The following RBPJ variants were observed in gnomAD, a reference collection of about 807,000 sequenced individuals.
RBPJ encodes recombining binding protein suppressor of hairless.
A neutral mutation model predicts 67.8 loss-of-function variants in RBPJ; 9 were observed. That is an observed-to-expected ratio of 0.13 (90% CI 0.08 to 0.23). RBPJ has a LOEUF of 0.23. RBPJ is among the 10% of genes least tolerant of loss of function. The pLI is 1.00. For synonymous variants in RBPJ, 198 were observed against 203.3 expected, an observed-to-expected ratio of 0.97 and a Z score of 0.22; for missense variants, 305 against 595.6, an observed-to-expected ratio of 0.51 and a Z score of 5.08.
At chr4:26,412,543 A>G (rs1734141734) in intron 3 of RBPJ, among the ~76,000 whole-genome samples, 1 of 152,146 alleles carries the variant, frequency 6.6e-6, no homozygotes, top group Admixed American at 6.5e-5. Context: ...GGAGCATTTT[A>G]GATTTGGGAT....
intron 1 of RBPJ, chr4:26,343,127 T>TG (rs1340285266): frequency 6.6e-6 from 1 of 152,236 alleles, no homozygotes; most frequent in Non-Finnish European, 1.5e-5. Flanking sequence ...TAGCCACACT[T>TG]GCAATGAATT....
At chr4:26,132,505 G>A in the RBPJ span, among the ~76,000 whole-genome samples, 1 of 152,098 alleles carries the variant, frequency 6.6e-6, no homozygotes, top group African/African-American at 2.4e-5. Context: ...GCCCAGGAGT[G>A]TGGGTTTGAG....
At chr4:26,211,183 G>A (rs1027944742) in intron 1 of RBPJ, among the ~76,000 whole-genome samples, 7 of 152,124 alleles carry the variant, frequency 4.6e-5, no homozygotes, top group Non-Finnish European at 4.4e-5. Context: ...CCATATGCAC[G>A]TGTATGTGTG....
chr4:26,402,430 C>T (rs1262592325), intron 2 of RBPJ, among the ~76,000 whole-genome samples: 1 of 152,180 alleles, frequency 6.6e-6, no homozygotes, highest in Non-Finnish European at 1.5e-5. Flanking sequence ...CTTCCTTTTC[C>T]ATACCCTGGA....
At chr4:26,195,287 T>C (rs1418629513) in intron 1 of RBPJ, among the ~76,000 whole-genome samples, 1 of 152,188 alleles carries the variant, frequency 6.6e-6, no homozygotes, top group East Asian at 1.9e-4. Context: ...GGAGGATCAC[T>C]TGAGCTCAGA....
intron 1 of RBPJ, among the ~76,000 whole-genome samples, chr4:26,206,006 A>G (rs1488450135): frequency 6.6e-6 from 1 of 151,064 alleles, no homozygotes; most frequent in Non-Finnish European, 1.5e-5. Flanking sequence ...TATTTTTTTT[A>G]TAAATTACAC....
At chr4:26,321,481 C>G (rs963861680) in intron 1 of RBPJ, 7 of 152,094 alleles carry the variant, frequency 4.6e-5, no homozygotes, top group Non-Finnish European at 8.8e-5. Flanking sequence ...CTACCCCCGG[C>G]CCTTTGTTTC....
chr4:26,240,616 T>C (rs1719603632), intron 1 of RBPJ, among the ~76,000 whole-genome samples: 1 of 152,162 alleles, frequency 6.6e-6, no homozygotes, highest in African/African-American at 2.4e-5. Flanking sequence ...AGGGGGTCCT[T>C]GATGTCTTCA....
intron 1 of RBPJ, among the ~76,000 whole-genome samples, chr4:26,313,706 T>G (rs770194153): frequency 1.3e-5 from 2 of 150,532 alleles, no homozygotes; most frequent in African/African-American, 2.4e-5. Context: ...CATGGTGGCA[T>G]GTACCTGTAA....
Position 26,215,999 on chromosome 4 carries a change from G to A in RBPJ, c.-167+52385G>A, listed in dbSNP as rs138252098. On this transcript the variant is annotated intron_variant, in intron 1 of 4. Transcript: ENST00000512351. ...CTGGAGACCAGAAGTCTGAAATCACGGTGTCATCAGGGCCACCCTCCCTAT... is the reference window on the plus strand; with the variant it reads ...CTGGAGACCAGAAGTCTGAAATCACAGTGTCATCAGGGCCACCCTCCCTAT... Among the ~76,000 whole-genome samples, 182 of 152,184 alleles carry A rather than the reference G, an allele frequency of 1.2e-3. 1 individual carries two copies. Among genetic ancestry groups the A allele is most frequent in the African/African-American group, 4.1e-3 (171 of 41,520 alleles).
At chr4:26,329,220 T>C (rs1723977049) in intron 1 of RBPJ, among the ~76,000 whole-genome samples, 1 of 152,190 alleles carries the variant, frequency 6.6e-6, no homozygotes, top group Admixed American at 6.5e-5. Flanking sequence ...CTCGAACTCC[T>C]GACCTCAGGT....
chr4:26,422,417 C>G (rs1447967198), intron 5 of RBPJ, among the ~76,000 whole-genome samples: 1 of 152,158 alleles, frequency 6.6e-6, no homozygotes, highest in Admixed American at 6.5e-5. Context: ...GGAGTTTTTT[C>G]TACAAAGAGG....
At chr4:26,282,134 C>T (rs1306878835) in intron 1 of RBPJ, among the ~76,000 whole-genome samples, 3 of 126,592 alleles carry the variant, frequency 2.4e-5, no homozygotes, top group African/African-American at 6.5e-5. Context: ...CTCTCTCTCT[C>T]TCTTTTTTTT....
chr4:26,139,462 G>C, the RBPJ span, among the ~76,000 whole-genome samples: 1 of 152,216 alleles, frequency 6.6e-6, no homozygotes, highest in East Asian at 1.9e-4. Flanking sequence ...ATCCACAGTG[G>C]CATGCGGGCT....
intron 1 of RBPJ, among the ~76,000 whole-genome samples, chr4:26,189,573 G>A (rs1039363118): frequency 1.6e-4 from 24 of 152,004 alleles, no homozygotes; most frequent in Non-Finnish European, 1.8e-4. Flanking sequence ...CAGGAGAATC[G>A]CTTGAACCCA....
At position 26,191,210 on chromosome 4, in the gene RBPJ, T is replaced by TATAGAGAG. The variant is rs1364457297; in HGVS notation, c.-167+27597_-167+27598insTAGAGAGA. ...ATATATATATATATATATATATATA[T>TATAGAGAG]AGAGAGAGAGAGAGAGAGAGAGAGA... On this transcript the variant is annotated intron_variant, in intron 1 of 4. Transcript: ENST00000512351. Among the ~76,000 whole-genome samples the TATAGAGAG allele has an allele frequency of 1.1e-3, 30 of 26,828 alleles. 1 individual carries two copies. Among genetic ancestry groups the TATAGAGAG allele is most frequent in the Non-Finnish European group, 1.5e-3 (24 of 16,162 alleles). 17.6% of individuals were successfully genotyped at this position (26,828 alleles called of 152,430 possible).
intron 1 of RBPJ, among the ~76,000 whole-genome samples, chr4:26,378,208 A>T (rs1333598793): frequency 6.6e-6 from 1 of 152,144 alleles, no homozygotes; most frequent in Admixed American, 6.5e-5. Context: ...TTTGGCAGTA[A>T]TAGAGTATGA....
intron 2 of RBPJ, among the ~76,000 whole-genome samples, chr4:26,402,084 C>G (rs1732880851): frequency 6.6e-6 from 1 of 151,892 alleles, no homozygotes; most frequent in African/African-American, 2.4e-5. Flanking sequence ...AAGGGGGTTT[C>G]TCCATGTTGG....
intron 4 of RBPJ, 38 bp from the exon 5 acceptor site, chr4:26,420,513 G>A (rs1353933434): frequency 6.8e-7 from 1 of 1,479,504 alleles, no homozygotes; most frequent in Non-Finnish European, 9.1e-7. Context: ...AAACAAACAA[G>A]GTTTTGCTGC....
Sources: allele counts gnomAD v4.1 joint callset (sites outside exome capture counted in the v4.1 genomes callset), GRCh38; gene constraint gnomAD v4.1.1; transcripts MANE v1.5; gene names NCBI Gene and HGNC (gene_info 2026-07-23, HGNC 2026-07-21).